Variants in KIAA0232 observed in about 807,000 individuals in gnomAD.
KIAA0232 encodes the protein uncharacterized protein KIAA0232.
In KIAA0232, 27 loss-of-function variants were observed where a neutral mutation model predicts 122.0. The observed-to-expected ratio is 0.22, with a 90% CI of 0.16 to 0.31. The LOEUF is 0.31. Ranked by LOEUF, KIAA0232 falls within the 10% of genes least tolerant of loss-of-function variation. KIAA0232 has a pLI of 1.00. For missense variants in KIAA0232, 1,551 were observed against 1,634.2 expected (o/e 0.95, Z 0.88); for synonymous variants, 613 against 587.6 (o/e 1.04, Z -0.63).
chr4:6,861,102 C>T lies in KIAA0232; in HGVS notation c.720C>T (p.Pro240=). The T allele has an allele frequency of 6.2e-7, 1 of 1,614,174 alleles. No homozygotes were observed. The highest frequency in any genetic ancestry group is 8.5e-7 in the Non-Finnish European group (1 of 1,180,026). Residue 240 remains proline (P), a synonymous_variant, in exon 7 of 10, where the codon CCC becomes CCT. Transcript: ENST00000307659. ...CCAAGGAAAGAAGCAGTGAAGTACC[C>T]ACCACTGTGCATGAGAAAACCCAGA... ...EVTKERSSEV[P]TTVHEKTQSK...
At chr4:6,794,252 C>G (rs1489199652) in intron 1 of KIAA0232, among the ~76,000 whole-genome samples, 1 of 152,198 alleles carries the variant, frequency 6.6e-6, no homozygotes, top group Non-Finnish European at 1.5e-5. Flanking sequence ...AGCTGTGCAT[C>G]CTGCACCGGA....
chr4:6,795,820 C>T (rs1717108335), intron 1 of KIAA0232, among the ~76,000 whole-genome samples: 1 of 152,218 alleles, frequency 6.6e-6, no homozygotes, highest in Admixed American at 6.5e-5. Flanking sequence ...CAAACTCCTG[C>T]TCTCATGCAG....
At chr4:6,827,032 A>G (rs999856427) in intron 3 of KIAA0232, among the ~76,000 whole-genome samples, 3 of 152,218 alleles carry the variant, frequency 2.0e-5, no homozygotes, top group Non-Finnish European at 4.4e-5. Context: ...CACAGGACAG[A>G]TAAAGGTTAG....
chr4:6,790,606 A>G (rs760562095), intron 1 of KIAA0232, among the ~76,000 whole-genome samples: 8 of 151,820 alleles, frequency 5.3e-5, no homozygotes, highest in Non-Finnish European at 1.0e-4. Flanking sequence ...GCTGATATCA[A>G]ACTCCTGGCC....
At chr4:6,841,602 T>C (rs775652519) in intron 3 of KIAA0232, among the ~76,000 whole-genome samples, 6 of 152,290 alleles carry the variant, frequency 3.9e-5, no homozygotes, top group South Asian at 4.1e-4. Flanking sequence ...GGAAAAGACA[T>C]ACAGATTGAA....
intron 1 of KIAA0232, among the ~76,000 whole-genome samples, chr4:6,794,867 T>A (rs1717061843): frequency 6.6e-6 from 1 of 152,172 alleles, no homozygotes; most frequent in Non-Finnish European, 1.5e-5. Flanking sequence ...TGTTTGGCTT[T>A]AGACATGTTA....
At chr4:6,814,183 CA>C (rs1274469573) in intron 2 of KIAA0232, among the ~76,000 whole-genome samples, 1 of 152,114 alleles carries the variant, frequency 6.6e-6, no homozygotes, top group Non-Finnish European at 1.5e-5. Flanking sequence ...GTTCTAAAAA[CA>C]AGTAGAAAAC....
intron 4 of KIAA0232, 146 bp downstream of exon 4, chr4:6,842,350 T>A: frequency 1.3e-6 from 1 of 773,414 alleles, no homozygotes; most frequent in Non-Finnish European, 2.0e-6. Flanking sequence ...CCACTTTTCC[T>A]TTATGGTATT....
chr4:6,826,666 A>T (rs1178894051), intron 3 of KIAA0232, among the ~76,000 whole-genome samples: 1 of 152,046 alleles, frequency 6.6e-6, no homozygotes, highest in Non-Finnish European at 1.5e-5. Flanking sequence ...CACCCCACCC[A>T]GCTAATTTTT....
chr4:6,784,168 A>G (rs1716503598), intron 1 of KIAA0232, among the ~76,000 whole-genome samples: 1 of 151,910 alleles, frequency 6.6e-6, no homozygotes, highest in African/African-American at 2.4e-5. Flanking sequence ...AATTATATAA[A>G]TGTAGTTCTT....
chr4:6,869,535 G>A (rs1296350640), intron 7 of KIAA0232, among the ~76,000 whole-genome samples: 1 of 152,174 alleles, frequency 6.6e-6, no homozygotes, highest in Non-Finnish European at 1.5e-5. Flanking sequence ...CCTTGTTTGC[G>A]GGAAGCCCAG....
chr4:6,876,968 G>A (rs760006004), intron 9 of KIAA0232, among the ~76,000 whole-genome samples: 2 of 152,174 alleles, frequency 1.3e-5, no homozygotes, highest in East Asian at 3.8e-4. Flanking sequence ...TTGACTGCCA[G>A]TGCTTCCTGA....
chr4:6,835,080 C>T (rs910263556), intron 3 of KIAA0232, among the ~76,000 whole-genome samples: 3 of 152,154 alleles, frequency 2.0e-5, no homozygotes, highest in Non-Finnish European at 2.9e-5. Context: ...CTGGAAGGCC[C>T]AAGATAGCTT....
At position 6,824,250 on chromosome 4, in the gene KIAA0232, T is replaced by C; in HGVS notation, c.-204T>C. The C allele has an allele frequency of 1.7e-6, 1 of 596,450 alleles. No homozygotes were observed. The highest frequency in any genetic ancestry group is 2.8e-5 in the East Asian group (1 of 36,268). The allele number at this position is 596,450 out of a possible 1,614,324, so 36.9% of individuals were successfully genotyped here. A position where few individuals can be genotyped will look rare whatever the true frequency, so the allele number is the denominator to read the frequency against. On this transcript the variant is annotated 5_prime_UTR_variant, in exon 3 of 10. An upstream start codon of the reference 5' UTR is lost. Coordinates refer to ENST00000307659, the MANE Select transcript of KIAA0232 (RefSeq NM_014743.3). Reference sequence around the variant, plus strand: ...AAGTAGAAAATCACATCTACATGCATGTTGCTATCAGGATGTTGATTCATT... The same window carrying C: ...AAGTAGAAAATCACATCTACATGCACGTTGCTATCAGGATGTTGATTCATT...
chr4:6,814,492 C>T (rs1419825112), intron 2 of KIAA0232, among the ~76,000 whole-genome samples: 1 of 151,718 alleles, frequency 6.6e-6, no homozygotes. Context: ...ACTTGTAATA[C>T]TAAGCATATA....
chr4:6,864,209 A>C (rs1238906261), intron 7 of KIAA0232, 26 bp downstream of exon 7: 3 of 1,570,708 alleles, frequency 1.9e-6, no homozygotes. Flanking sequence ...TTGGTATTTG[A>C]CAAAAGGATT....
chr4:6,790,387 A>G (rs1260598433), intron 1 of KIAA0232, among the ~76,000 whole-genome samples: 1 of 148,370 alleles, frequency 6.7e-6, no homozygotes, highest in African/African-American at 2.5e-5. Flanking sequence ...TTAATTAAAA[A>G]AGGTCTTTTT....
intron 9 of KIAA0232, among the ~76,000 whole-genome samples, chr4:6,877,621 C>T (rs1242442509): frequency 1.3e-5 from 2 of 152,094 alleles, no homozygotes; most frequent in African/African-American, 4.8e-5. Flanking sequence ...GTCCGATGTT[C>T]GAGGGCAGGA....
rs1465055560 is a variant in KIAA0232, at chr4:6,820,026, CTT to C, written c.-269-4158_-269-4157del. The stretch of plus-strand genomic sequence containing the variant: ...GAAAATAAAATACTGTGTGTTCTCA[CTT>C]AGAAGTGGGAGTTAAACATCAGTTA... On this transcript the variant is annotated intron_variant, in intron 2 of 9. Coordinates refer to ENST00000307659, the MANE Select transcript of KIAA0232 (RefSeq NM_014743.3). Among the ~76,000 whole-genome samples, 4 of 152,234 alleles carry C rather than the reference CTT, an allele frequency of 2.6e-5. No individual in the cohort carries two copies. The East Asian group carries it at 7.7e-4, about 29-fold the overall frequency.
Sources: allele counts gnomAD v4.1 joint callset (sites outside exome capture counted in the v4.1 genomes callset), GRCh38; gene constraint gnomAD v4.1.1; transcripts MANE v1.5; gene names NCBI Gene and HGNC (gene_info 2026-07-23, HGNC 2026-07-21).